The following SPTBN1 variants were observed in gnomAD, a reference collection of about 807,000 sequenced individuals.
SPTBN1 encodes the protein spectrin beta, non-erythrocytic 1.
SPTBN1 carries 32 observed loss-of-function variants against 266.4 expected under a neutral mutation model. The ratio of observed to expected loss-of-function variants is 0.12; its 90% CI spans 0.09 to 0.16. The LOEUF is 0.16. Among genes scored for constraint, SPTBN1 ranks in the 10% least tolerant of loss-of-function variants. SPTBN1 has a pLI of 1.00. For synonymous variants in SPTBN1, 1,336 were observed against 1,162.2 expected (o/e 1.15, Z -3.04); for missense variants, 2,296 against 3,067.1 (o/e 0.75, Z 5.94).
At chr2:54,509,720 C>T (rs910097711) in intron 1 of SPTBN1, among the ~76,000 whole-genome samples, 3 of 152,144 alleles carry the variant, frequency 2.0e-5, no homozygotes, top group Non-Finnish European at 2.9e-5. Context: ...TTAATCTGCT[C>T]AGGCTGCCAT....
intron 2 of SPTBN1, among the ~76,000 whole-genome samples, chr2:54,563,191 A>T (rs1418502649): frequency 6.6e-6 from 1 of 152,112 alleles, no homozygotes; most frequent in Non-Finnish European, 1.5e-5. Context: ...TGAAATGCCC[A>T]CCCTAACCTG....
intron 1 of SPTBN1, among the ~76,000 whole-genome samples, chr2:54,501,092 C>T (rs1669241133): frequency 6.6e-6 from 1 of 152,174 alleles, no homozygotes; most frequent in Admixed American, 6.5e-5. Context: ...CTCTCGTGAT[C>T]TTCTCTCGGG....
At chr2:54,519,891 G>T (rs1189921062) in intron 1 of SPTBN1, among the ~76,000 whole-genome samples, 3 of 152,138 alleles carry the variant, frequency 2.0e-5, no homozygotes, top group African/African-American at 7.2e-5. Flanking sequence ...AAAGGTGACT[G>T]CGAAGGTTTG....
chr2:54,656,284 C>G (rs1359431537), intron 29 of SPTBN1, among the ~76,000 whole-genome samples: 1 of 152,154 alleles, frequency 6.6e-6, no homozygotes, highest in Non-Finnish European at 1.5e-5. Context: ...TAGAAGCCCT[C>G]TCCCCCATTT....
rs527616396 is a variant in SPTBN1, at chr2:54,593,011, T to C, written c.149-6081T>C. Among the ~76,000 whole-genome samples the C allele has an allele frequency of 2.0e-5, 3 of 152,316 alleles. No individual in the cohort carries two copies. The South Asian group carries it at 6.2e-4, about 32-fold the overall frequency. ...GCCATTCAGATGCATGGCAATGTTA[T>C]TGCAGACACACCATCTTATAAAATT... is the stretch of plus-strand genomic sequence containing the variant. On this transcript the variant is annotated intron_variant, in intron 2 of 35. Transcript: ENST00000356805.
At chr2:54,571,479 A>G (rs755936512) in intron 2 of SPTBN1, among the ~76,000 whole-genome samples, 3 of 151,976 alleles carry the variant, frequency 2.0e-5, no homozygotes, top group Non-Finnish European at 4.4e-5. Context: ...CCTCAGTCCC[A>G]GGCACACTGG....
At position 54,629,539 on chromosome 2, in the gene SPTBN1, C is replaced by A; in HGVS notation, c.2405C>A (p.Thr802Lys). 31 of 1,614,126 alleles carry A rather than the reference C, an allele frequency of 1.9e-5. No homozygotes were observed. The highest frequency in any genetic ancestry group is 2.6e-5 in the Non-Finnish European group (31 of 1,180,052). ...GCCAATTACAGGCCCACCCTTGACA[C>A]GCTGCACGAACAAGCCAGCGCCCTC... Reference protein sequence around the residue: ...EIANYRPTLDTLHEQASALPQ... With the variant: ...EIANYRPTLDKLHEQASALPQ... Residue 802 changes from threonine to lysine, a missense_variant, in exon 14 of 36, where the codon ACG (threonine) becomes AAG (lysine). Physicochemically the swap from Thr to Lys is moderately conservative, Grantham distance 78 (BLOSUM62 -1). Coordinates refer to ENST00000356805, the MANE Select transcript of SPTBN1 (RefSeq NM_003128.3).
intron 1 of SPTBN1, among the ~76,000 whole-genome samples, chr2:54,465,050 T>A (rs1410048336): frequency 6.6e-6 from 1 of 152,194 alleles, no homozygotes; most frequent in Non-Finnish European, 1.5e-5. Flanking sequence ...TTCTAATTTT[T>A]AAAAAGGAAA....
At position 54,462,355 on chromosome 2, in the gene SPTBN1, G is replaced by C. The variant is rs148259854; in HGVS notation, c.-48+5837G>C. Among the ~76,000 whole-genome samples the C allele has an allele frequency of 9.7e-4, 148 of 152,244 alleles. 1 individual carries two copies. The highest frequency in any genetic ancestry group is 1.8e-3 in the Admixed American group (27 of 15,294). ...ATTTTAAAAGGCTGCATTACCAATG[G>C]CATTTATATATTGATTAATACAGTC... On this transcript the variant is annotated intron_variant, in intron 1 of 35. Transcript: ENST00000356805.
chr2:54,585,112 C>G (rs1251121048), intron 2 of SPTBN1, among the ~76,000 whole-genome samples: 1 of 152,140 alleles, frequency 6.6e-6, no homozygotes, highest in African/African-American at 2.4e-5. Context: ...CCCTCTTGTT[C>G]AAAACTTTCC....
rs544287299 is a variant in SPTBN1 at position 54,626,577 on chromosome 2, A to G, written c.1644+343A>G. On this transcript the variant is annotated intron_variant, in intron 12 of 35. Coordinates refer to ENST00000356805, the MANE Select transcript of SPTBN1 (RefSeq NM_003128.3). This position sits in a 1 kb window ranked among gnomAD's most constrained non-coding sequence, Gnocchi z 4.7. ...TTTCATTGATCTGTGAGTGAGTGGT[A>G]CTACTTTGGGCAGGGGTCCCGGAGA... Among the ~76,000 whole-genome samples, 20 of 152,236 alleles carry G rather than the reference A, an allele frequency of 1.3e-4. No individual in the cohort carries two copies. The highest frequency in any genetic ancestry group is 4.1e-4 in the African/African-American group (17 of 41,556).
chr2:54,521,247 C>G (rs1670422455), intron 1 of SPTBN1, among the ~76,000 whole-genome samples: 1 of 152,190 alleles, frequency 6.6e-6, no homozygotes, highest in Non-Finnish European at 1.5e-5. Flanking sequence ...CTGTTGCCCT[C>G]ACTCTGACTT....
intron 1 of SPTBN1, among the ~76,000 whole-genome samples, chr2:54,466,454 C>T (rs1189904497): frequency 3.1e-5 from 1 of 32,642 alleles, no homozygotes; most frequent in Admixed American, 3.1e-4. Context: ...CCCAGCTACT[C>T]GGGAGGCTGA....
Position 54,548,370 on chromosome 2 carries a change from G to A in SPTBN1, c.148+21804G>A, listed in dbSNP as rs564045925. Among the ~76,000 whole-genome samples, 65 of 152,270 alleles carry A rather than the reference G, an allele frequency of 4.3e-4. 1 individual carries two copies. Among genetic ancestry groups the A allele is most frequent in the Admixed American group, 1.6e-3 (25 of 15,308 alleles). The stretch of plus-strand genomic sequence containing the variant: ...ATGACATGGAAGCTGTGCTTGTACC[G>A]CATCCTGGGCTGTCATTCTCTCTGA... On this transcript the variant is annotated intron_variant, in intron 2 of 35. Transcript: ENST00000356805.
intron 11 of SPTBN1, 54 bp from the exon 12 acceptor site, chr2:54,625,878 A>C (rs1311799181): frequency 1.9e-6 from 3 of 1,553,684 alleles, no homozygotes; most frequent in African/African-American, 2.7e-5. Context: ...AGCATGAGCT[A>C]CTGTGCCCGG....
At chr2:54,502,905 A>G (rs1669348403) in intron 1 of SPTBN1, among the ~76,000 whole-genome samples, 1 of 152,102 alleles carries the variant, frequency 6.6e-6, no homozygotes, top group African/African-American at 2.4e-5. Context: ...CTCTGCACGG[A>G]CTCAGAGAGC....
chr2:54,606,050 G>A (rs13389329), intron 3 of SPTBN1, among the ~76,000 whole-genome samples: 22,327 of 152,136 alleles, frequency 0.15, 3,331 homozygotes, highest in African/African-American at 0.38. Flanking sequence ...ATTGAGATTT[G>A]TAGAGAGAGA....
At chr2:54,585,315 G>A (rs1281211329) in intron 2 of SPTBN1, among the ~76,000 whole-genome samples, 1 of 152,194 alleles carries the variant, frequency 6.6e-6, no homozygotes, top group Non-Finnish European at 1.5e-5. Context: ...ACTGTCAACT[G>A]CCCTGCCCTC....
At position 54,646,322 on chromosome 2, in the gene SPTBN1, G is replaced by A; in HGVS notation, c.4713G>A (p.Lys1571=). ...EAIRQRLADL[K]QLWGLLIEET... is the part of the protein sequence containing the mutation. ...TCAGACAGAGGCTTGCCGACCTGAA[G>A]CAGCTGTGGGGTCTCCTCATTGAGG... is the stretch of plus-strand genomic sequence containing the variant. Residue 1571 remains lysine, a synonymous_variant, in exon 23 of 36, where the codon AAG becomes AAA. Coordinates refer to ENST00000356805, the MANE Select transcript of SPTBN1 (RefSeq NM_003128.3). The surrounding 1 kb of genome is among the most constrained non-coding windows in gnomAD (Gnocchi z 4.4). 2 of 1,614,202 alleles carry A rather than the reference G, an allele frequency of 1.2e-6. No homozygotes were observed. Among genetic ancestry groups the A allele is most frequent in the Non-Finnish European group, 8.5e-7 (1 of 1,180,038 alleles).
Sources: gnomAD v4.1 joint callset for allele counts (sites outside exome capture counted in the v4.1 genomes callset) on GRCh38, gnomAD v4.1.1 for gene constraint, Gnocchi (gnomAD v3.1) non-coding constraint, MANE v1.5 for transcripts, NCBI Gene and HGNC (gene_info 2026-07-23, HGNC 2026-07-21) for gene names.